Variants in DCAF5 observed in about 807,000 individuals in gnomAD.
DCAF5 encodes the protein DDB1- and CUL4-associated factor 5.
DCAF5 carries 9 observed loss-of-function variants against 80.7 expected under a neutral mutation model. That is an observed-to-expected ratio of 0.11 (90% CI 0.07 to 0.19). The LOEUF (loss-of-function observed/expected upper bound fraction) is 0.19. Among genes scored for constraint, DCAF5 ranks in the 10% least tolerant of loss-of-function variants. The probability of loss-of-function intolerance (pLI) is 1.00; values close to 1 mark genes in which losing one functional copy is unlikely to be tolerated. For missense variants in DCAF5, 842 were observed against 1,205.7 expected (o/e 0.70, Z 4.47); for synonymous variants, 433 against 461.9 (o/e 0.94, Z 0.80).
intron 6 of DCAF5, among the ~76,000 whole-genome samples, chr14:69,079,908 A>C (rs912877206): frequency 2.6e-5 from 4 of 152,184 alleles, no homozygotes; most frequent in Non-Finnish European, 2.9e-5. Flanking sequence ...AGGTTAGCGC[A>C]TATAGGGAGT....
At chr14:69,116,566 A>T in intron 4 of DCAF5, 71 bp from the exon 5 acceptor site, 1 of 1,570,262 alleles carries the variant, frequency 6.4e-7, no homozygotes, top group Non-Finnish European at 8.7e-7. Context: ...ATAATCAGGA[A>T]TGTGAATACA....
In DCAF5 at chr14:69,083,846, A is replaced by G. The variant is rs2039211337; in HGVS notation, c.879+7828T>C. ...ACAGAAAATAATGTTGAGAAGCCAG[A>G]TGATGAAGATGACAGTGAGATGCCC... On this transcript the variant is annotated intron_variant, in intron 6 of 8. Transcript: ENST00000341516. 5.4e-6 allele frequency: 4 copies of G among 742,446 alleles called. No homozygotes were observed. In the South Asian group the frequency reaches 5.8e-5, roughly 11 times the overall value. 46.0% of individuals were successfully genotyped at this position (742,446 alleles called of 1,614,324 possible). A position where few individuals can be genotyped will look rare whatever the true frequency, so the allele number is the denominator to read the frequency against.
chr14:69,138,242 A>T (rs1490101146), intron 1 of DCAF5, among the ~76,000 whole-genome samples: 1 of 152,232 alleles, frequency 6.6e-6, no homozygotes, highest in African/African-American at 2.4e-5. Flanking sequence ...ATGGAAATTC[A>T]GCATGGGGGA....
intron 1 of DCAF5, among the ~76,000 whole-genome samples, chr14:69,126,423 C>A (rs1470091002): frequency 6.6e-6 from 1 of 152,152 alleles, no homozygotes; most frequent in African/African-American, 2.4e-5. Flanking sequence ...TCCCAAAGTG[C>A]TGGCATTACA....
intron 5 of DCAF5, among the ~76,000 whole-genome samples, chr14:69,102,265 T>C (rs1333898943): frequency 1.3e-5 from 2 of 151,882 alleles, no homozygotes; most frequent in African/African-American, 4.8e-5. Context: ...CACGTCACCA[T>C]GCCCGGCTAA....
intron 1 of DCAF5, among the ~76,000 whole-genome samples, chr14:69,126,135 T>A (rs1386479474): frequency 6.7e-6 from 1 of 149,246 alleles, no homozygotes; most frequent in Non-Finnish European, 1.5e-5. Flanking sequence ...ATCAAAGAAC[T>A]AAATAAATAG....
At chr14:69,145,291 T>TC (rs1179950414) in intron 1 of DCAF5, among the ~76,000 whole-genome samples, 2 of 152,184 alleles carry the variant, frequency 1.3e-5, no homozygotes, top group Admixed American at 6.5e-5. Context: ...GTGCTGGGAT[T>TC]ACAGGTGTGA....
In DCAF5 at chr14:69,098,932, A is replaced by C. The variant is rs558896200; in HGVS notation, c.666-7045T>G. ...AAAAAAAAAGAAAAGAAAAAAAAGA[A>C]AAACACTGACTTAAAACGTTTTTAA... On this transcript the variant is annotated intron_variant, in intron 5 of 8. Coordinates refer to ENST00000341516, the MANE Select transcript of DCAF5 (RefSeq NM_003861.3). 6.6e-5 allele frequency among the ~76,000 whole-genome samples: 10 copies of C among 150,420 alleles called. No homozygotes were observed. In the South Asian group the frequency reaches 2.1e-3, roughly 32 times the overall value.
intron 5 of DCAF5, among the ~76,000 whole-genome samples, chr14:69,108,716 A>G (rs1466694381): frequency 1.3e-5 from 2 of 152,226 alleles, no homozygotes; most frequent in African/African-American, 4.8e-5. Flanking sequence ...GAACACTTGC[A>G]TGAGTACTGT....
rs17106717 is a variant in DCAF5, at chr14:69,055,729, G to A, written c.1075-118C>T. ...CAGACTCTCCCTGTAATTTAACTAG[G>A]ACTTGCTAACCAACTTAAAAATAAG... On this transcript the variant is annotated intron_variant, in intron 8 of 8. Coordinates refer to ENST00000341516, the MANE Select transcript of DCAF5 (RefSeq NM_003861.3). This position sits in a 1 kb window ranked among gnomAD's most constrained non-coding sequence, Gnocchi z 5.6. 7,427 of 1,058,344 alleles carry A rather than the reference G, an allele frequency of 7.0e-3. 121 individuals carry two copies. Among genetic ancestry groups the A allele is most frequent in the East Asian group, 0.045 (1,832 of 40,820 alleles). 65.6% of individuals were successfully genotyped at this position (1,058,344 alleles called of 1,614,324 possible).
intron 2 of DCAF5, among the ~76,000 whole-genome samples, chr14:69,121,582 CA>C (rs1209189664): frequency 1.3e-5 from 2 of 152,164 alleles, no homozygotes; most frequent in African/African-American, 4.8e-5. Flanking sequence ...AATTTTCACT[CA>C]GGGGAGGACT....
At chr14:69,133,629 A>C (rs527259070) in intron 1 of DCAF5, among the ~76,000 whole-genome samples, 1 of 152,314 alleles carries the variant, frequency 6.6e-6, no homozygotes, top group Non-Finnish European at 1.5e-5. Flanking sequence ...AGAAGTAGCT[A>C]TAGGGATAAC....
chr14:69,068,405 G>A (rs78147392), intron 7 of DCAF5, among the ~76,000 whole-genome samples: 4,148 of 152,224 alleles, frequency 0.027, 89 homozygotes, highest in Non-Finnish European at 0.041. Flanking sequence ...AGAATTAAGA[G>A]TTTACTGCAA....
At chr14:69,074,726 A>G (rs1276548973) in intron 7 of DCAF5, among the ~76,000 whole-genome samples, 1 of 152,170 alleles carries the variant, frequency 6.6e-6, no homozygotes, top group Admixed American at 6.5e-5. Flanking sequence ...AGCACATAAA[A>G]GCAAGACAAA....
rs1470338939 is a variant in DCAF5 at position 69,055,092 on chromosome 14, C to T, written c.1594G>A (p.Asp532Asn). Reference sequence around the variant, plus strand: ...ACCTCACAGACATTCTCCTCAGAATCGGACTCATTGGAAAGGGCCAGGAGG... The same window carrying T: ...ACCTCACAGACATTCTCCTCAGAATTGGACTCATTGGAAAGGGCCAGGAGG... Reference protein sequence around the residue: ...KRLLALSNESDSEENVCEVEL... With the variant: ...KRLLALSNESNSEENVCEVEL... The change falls in exon 9 of 9, where the codon GAT becomes AAT. Residue 532 changes from aspartate (D) to asparagine (N), a missense_variant. Physicochemically the swap from Asp to Asn is conservative, Grantham distance 23. This residue lies in a region of DCAF5 where 607 missense variants were observed against 656.6 expected (regional missense o/e 0.92). Coordinates refer to ENST00000341516, the MANE Select transcript of DCAF5 (RefSeq NM_003861.3). The surrounding 1 kb of genome is among the most constrained non-coding windows in gnomAD (Gnocchi z 5.6). The T allele has an allele frequency of 3.7e-6, 6 of 1,614,180 alleles. No individual in the cohort carries two copies. Among genetic ancestry groups the T allele is most frequent in the Middle Eastern group, 1.6e-4 (1 of 6,062 alleles).
At chr14:69,060,041 C>A (rs143645404) in intron 8 of DCAF5, among the ~76,000 whole-genome samples, 64 of 152,228 alleles carry the variant, frequency 4.2e-4, no homozygotes, top group African/African-American at 1.4e-3. Flanking sequence ...CACACTCAAG[C>A]AGGAATTCCT....
intron 5 of DCAF5, among the ~76,000 whole-genome samples, chr14:69,096,116 A>C (rs757431257): frequency 6.6e-6 from 1 of 152,232 alleles, no homozygotes; most frequent in Non-Finnish European, 1.5e-5. Flanking sequence ...CTAGGTAAAA[A>C]GTCAGCAAGT....
At chr14:69,130,312 A>C (rs2041002651) in intron 1 of DCAF5, among the ~76,000 whole-genome samples, 1 of 152,228 alleles carries the variant, frequency 6.6e-6, no homozygotes, top group African/African-American at 2.4e-5. Flanking sequence ...GGTTAAAATT[A>C]TTGTTTAATA....
At chr14:69,128,161 T>A (rs2040931030) in intron 1 of DCAF5, among the ~76,000 whole-genome samples, 1 of 152,032 alleles carries the variant, frequency 6.6e-6, no homozygotes, top group Admixed American at 6.6e-5. Context: ...ACTATTCTAC[T>A]TTTGTGTATG....
Sources: gnomAD v4.1 joint callset for allele counts (sites outside exome capture counted in the v4.1 genomes callset) on GRCh38, gnomAD v4.1.1 for gene constraint, gnomAD v4.1.1 regional missense constraint, Gnocchi (gnomAD v3.1) non-coding constraint, MANE v1.5 for transcripts, NCBI Gene and HGNC (gene_info 2026-07-23, HGNC 2026-07-21) for gene names.